TNFSF4: variants seen among roughly 807,000 people sequenced by gnomAD.
TNFSF4 encodes the protein TNF superfamily member 4.
A neutral mutation model predicts 7.3 loss-of-function variants in TNFSF4; 4 were observed. The ratio of observed to expected loss-of-function variants is 0.55; its 90% confidence interval spans 0.27 to 1.25. TNFSF4 has a LOEUF of 1.25. Ranked by LOEUF, TNFSF4 falls within the 50% of genes most tolerant of loss-of-function variation. The pLI, the probability that TNFSF4 is intolerant of heterozygous loss-of-function variation, is 0.12. For synonymous variants in TNFSF4, 76 were observed against 83.7 expected, an observed-to-expected ratio of 0.91 and a Z score of 0.50; for missense variants, 181 against 208.8, an observed-to-expected ratio of 0.87 and a Z score of 0.82.
At chr1:173,427,088 T>G in the TNFSF4 span, among the ~76,000 whole-genome samples, 2 of 152,184 alleles carry the variant, frequency 1.3e-5, no homozygotes, top group African/African-American at 2.4e-5. Flanking sequence ...AAATTTGTAT[T>G]GTTTAAGCCA....
intron 1 of TNFSF4, among the ~76,000 whole-genome samples, chr1:173,199,299 A>G (rs1450213926): frequency 6.6e-6 from 1 of 152,210 alleles, no homozygotes; most frequent in East Asian, 1.9e-4. Context: ...GTGTCCCTCC[A>G]AACTTCATGT....
upstream of TNFSF4, among the ~76,000 whole-genome samples, chr1:173,211,852 T>C (rs1650384455): frequency 6.6e-6 from 1 of 152,230 alleles, no homozygotes; most frequent in Non-Finnish European, 1.5e-5. Context: ...TTTTAATGAT[T>C]CTGACTCCTA....
chr1:173,413,239 G>T, the TNFSF4 span, among the ~76,000 whole-genome samples: 1,873 of 152,238 alleles, frequency 0.012, 25 homozygotes, highest in South Asian at 0.03. Context: ...AGAGAGACAG[G>T]GGCAGAGAGA....
At chr1:173,273,955 TTCTAA>T in the TNFSF4 span, among the ~76,000 whole-genome samples, 1 of 152,106 alleles carries the variant, frequency 6.6e-6, no homozygotes, top group Non-Finnish European at 1.5e-5. Context: ...TATTTATTAT[TTCTAA>T]TTACAAAAGT....
the TNFSF4 span, among the ~76,000 whole-genome samples, chr1:173,261,403 T>C: frequency 1.3e-5 from 2 of 151,970 alleles, no homozygotes; most frequent in African/African-American, 4.8e-5. Flanking sequence ...CTTCCTAACA[T>C]CACTTCTAAA....
the TNFSF4 span, among the ~76,000 whole-genome samples, chr1:173,221,331 G>A: frequency 2.6e-5 from 4 of 152,148 alleles, no homozygotes; most frequent in East Asian, 1.9e-4. Flanking sequence ...TGGCTTTTGC[G>A]TGGCAAAACA....
At chr1:173,404,073 C>G in the TNFSF4 span, among the ~76,000 whole-genome samples, 1 of 152,106 alleles carries the variant, frequency 6.6e-6, no homozygotes, top group East Asian at 1.9e-4. Context: ...GGAATGCAGT[C>G]CAGGAACATA....
chr1:173,357,880 G>A, the TNFSF4 span, among the ~76,000 whole-genome samples: 1 of 152,076 alleles, frequency 6.6e-6, no homozygotes, highest in African/African-American at 2.4e-5. Flanking sequence ...ACATAAATAA[G>A]AATAACACAC....
At chr1:173,331,303 C>A in the TNFSF4 span, among the ~76,000 whole-genome samples, 3 of 152,174 alleles carry the variant, frequency 2.0e-5, no homozygotes, top group South Asian at 2.1e-4. Context: ...ACAATTACTG[C>A]AAACTTCTGT....
the TNFSF4 span, among the ~76,000 whole-genome samples, chr1:173,220,342 G>GC: frequency 6.6e-5 from 10 of 152,084 alleles, no homozygotes; most frequent in African/African-American, 2.4e-4. Context: ...CTGCACACAA[G>GC]CTTTGAATTT....
At chr1:173,332,210 C>T in the TNFSF4 span, among the ~76,000 whole-genome samples, 30,729 of 152,120 alleles carry the variant, frequency 0.2, 3,185 homozygotes, top group Middle Eastern at 0.35. Context: ...GATCCAGCTG[C>T]TCTCACTCAG....
At chr1:173,359,510 TAAAAAAA>T in the TNFSF4 span, among the ~76,000 whole-genome samples, 792 of 122,464 alleles carry the variant, frequency 6.5e-3, 12 homozygotes, top group African/African-American at 0.023. Flanking sequence ...TTACCAGCTG[TAAAAAAA>T]AAAAAAAAAA....
At chr1:173,268,943 A>G in the TNFSF4 span, among the ~76,000 whole-genome samples, 1 of 152,242 alleles carries the variant, frequency 6.6e-6, no homozygotes, top group South Asian at 2.1e-4. Context: ...GGTGCTGATA[A>G]AGACCACAGT....
the TNFSF4 span, among the ~76,000 whole-genome samples, chr1:173,407,053 G>A: frequency 6.6e-6 from 1 of 152,114 alleles, no homozygotes; most frequent in African/African-American, 2.4e-5. Flanking sequence ...GCCTCACTCG[G>A]TGCAGACTGC....
At chr1:173,218,527 A>G in the TNFSF4 span, among the ~76,000 whole-genome samples, 1 of 151,852 alleles carries the variant, frequency 6.6e-6, no homozygotes, top group East Asian at 1.9e-4. Flanking sequence ...CTCTCCTTTC[A>G]CACTCTCTCT....
At chr1:173,415,117 T>TC in the TNFSF4 span, among the ~76,000 whole-genome samples, 1 of 152,250 alleles carries the variant, frequency 6.6e-6, no homozygotes, top group African/African-American at 2.4e-5. Context: ...TGGGTTTCAA[T>TC]CCTCTCACCT....
chr1:173,239,302 CA>C, the TNFSF4 span, among the ~76,000 whole-genome samples: 1 of 152,084 alleles, frequency 6.6e-6, no homozygotes, highest in Non-Finnish European at 1.5e-5. Flanking sequence ...CAGAAGGAAG[CA>C]AATAAGCCAT....
chr1:173,193,116 A>G (rs1649551863), intron 1 of TNFSF4, among the ~76,000 whole-genome samples: 1 of 152,212 alleles, frequency 6.6e-6, no homozygotes, highest in African/African-American at 2.4e-5. Context: ...ACAATACAAA[A>G]GAATTTGGGT....
the TNFSF4 span, among the ~76,000 whole-genome samples, chr1:173,262,014 C>A: frequency 6.6e-6 from 1 of 152,072 alleles, no homozygotes; most frequent in African/African-American, 2.4e-5. Flanking sequence ...CAAAACCTGG[C>A]AAAGATACAA....
Sources: allele counts gnomAD v4.1 joint callset (sites outside exome capture counted in the v4.1 genomes callset), GRCh38; gene constraint gnomAD v4.1.1; transcripts MANE v1.5; gene names NCBI Gene and HGNC (gene_info 2026-07-23, HGNC 2026-07-21).